SAMD3: variants seen among roughly 807,000 people sequenced by gnomAD.
SAMD3 encodes the protein sterile alpha motif domain-containing protein 3.
In SAMD3, 63 loss-of-function variants were observed where a neutral mutation model predicts 58.5. That is an observed-to-expected ratio of 1.08 (90% CI 0.88 to 1.33). The LOEUF (loss-of-function observed/expected upper bound fraction) is 1.33. Among genes scored for constraint, SAMD3 ranks in the 40% most tolerant of loss-of-function variants. The pLI, the probability that SAMD3 is intolerant of heterozygous loss-of-function variation, is 0.00. For synonymous variants in SAMD3, 220 were observed against 210.3 expected, an observed-to-expected ratio of 1.05 and a Z score of -0.40; for missense variants, 604 against 608.4, an observed-to-expected ratio of 0.99 and a Z score of 0.08.
chr6:130,305,530 T>A (rs1009304602), intron 2 of SAMD3, among the ~76,000 whole-genome samples: 2 of 152,218 alleles, frequency 1.3e-5, no homozygotes, highest in Non-Finnish European at 1.5e-5. Context: ...AGAAAAATGA[T>A]AGCAATAAGG....
At chr6:130,201,710 T>A (rs1430264977) in intron 5 of SAMD3, among the ~76,000 whole-genome samples, 1 of 152,222 alleles carries the variant, frequency 6.6e-6, no homozygotes, top group Non-Finnish European at 1.5e-5. Context: ...AACAGAATCC[T>A]CCATGCTATT....
At chr6:130,279,108 G>A (rs12197317) in intron 2 of SAMD3, among the ~76,000 whole-genome samples, 49,479 of 151,934 alleles carry the variant, frequency 0.33, 8,282 homozygotes, top group East Asian at 0.48. Flanking sequence ...CATAAAATGA[G>A]CTTAATAATA....
intron 2 of SAMD3, among the ~76,000 whole-genome samples, chr6:130,305,897 A>G (rs914942030): frequency 2.0e-5 from 3 of 152,234 alleles, no homozygotes; most frequent in African/African-American, 7.2e-5. Flanking sequence ...AAATAAATTT[A>G]TTTCTCCTAT....
chr6:130,265,585 G>A (rs1436676052), intron 2 of SAMD3, among the ~76,000 whole-genome samples: 1 of 152,030 alleles, frequency 6.6e-6, no homozygotes, highest in Non-Finnish European at 1.5e-5. Context: ...AAGTGTACTG[G>A]AACCCTAAAA....
At chr6:130,171,583 T>C (rs1006924480) in intron 8 of SAMD3, among the ~76,000 whole-genome samples, 2 of 152,204 alleles carry the variant, frequency 1.3e-5, no homozygotes, top group African/African-American at 4.8e-5. Flanking sequence ...GAGACTGTTA[T>C]GATTTCCATT....
chr6:130,352,577 T>C (rs1334657613), intron 1 of SAMD3, among the ~76,000 whole-genome samples: 3 of 152,192 alleles, frequency 2.0e-5, no homozygotes, highest in Non-Finnish European at 4.4e-5. Flanking sequence ...ATAGGGCCAC[T>C]CAAGCTCATT....
At chr6:130,145,985 A>G (rs753549314) in intron 10 of SAMD3, 25 bp downstream of exon 10, 1 of 1,350,838 alleles carries the variant, frequency 7.4e-7, no homozygotes, top group South Asian at 2.3e-5. Context: ...AGATGAAATC[A>G]CACCACTCCA....
At chr6:130,154,712 AAAAAAAATATATATAT>A (rs1427400379) in intron 9 of SAMD3, 97 bp downstream of exon 9, 399 of 104,974 alleles carry the variant, frequency 3.8e-3, no homozygotes, top group Middle Eastern at 0.013. Context: ...AAAAAAAAAA[AAAAAAAATATATATAT>A]ATATATATAT....
intron 2 of SAMD3, among the ~76,000 whole-genome samples, chr6:130,250,517 C>T (rs190636144): frequency 1.8e-4 from 27 of 152,162 alleles, no homozygotes; most frequent in Admixed American, 1.6e-3. Context: ...CAACTATCAC[C>T]TCAATTTAAG....
At position 130,288,456 on chromosome 6, in the gene SAMD3, T is replaced by A. The variant is rs191621759; in HGVS notation, c.-188+24522A>T. 2.7e-3 allele frequency among the ~76,000 whole-genome samples: 373 copies of A among 137,734 alleles called. 5 individuals carry two copies. In the Middle Eastern group the frequency reaches 0.045, roughly 17 times the overall value. The allele number at this position is 137,734 out of a possible 152,430, so 90.4% of individuals were successfully genotyped here. On this transcript the variant is annotated intron_variant, in intron 2 of 13. Coordinates refer to the SAMD3 transcript ENST00000368134. ...TACTGATTTAAATGTTAATCACATC[T>A]GAAAAAAAATAGCTTCATAGCAACA...
chr6:130,256,125 G>A (rs996703659), intron 2 of SAMD3, among the ~76,000 whole-genome samples: 8 of 150,212 alleles, frequency 5.3e-5, no homozygotes, highest in Non-Finnish European at 1.0e-4. Flanking sequence ...GAAATCATGA[G>A]AACAAGCAAA....
intron 7 of SAMD3, among the ~76,000 whole-genome samples, chr6:130,180,508 ACAAG>A (rs1227617278): frequency 4.6e-5 from 7 of 151,804 alleles, no homozygotes; most frequent in East Asian, 3.9e-4. Context: ...AAACAAACAA[ACAAG>A]CAAACAAATA....
At chr6:130,286,921 A>C (rs554116601) in intron 2 of SAMD3, among the ~76,000 whole-genome samples, 4 of 152,150 alleles carry the variant, frequency 2.6e-5, no homozygotes, top group South Asian at 2.1e-4. Flanking sequence ...TGCTGCCCAG[A>C]CTGGTCTCAA....
At chr6:130,157,174 C>T (rs1789865940) in intron 8 of SAMD3, among the ~76,000 whole-genome samples, 1 of 151,696 alleles carries the variant, frequency 6.6e-6, no homozygotes, top group Non-Finnish European at 1.5e-5. Context: ...GTGTAAACGT[C>T]ATATACTGCA....
At chr6:130,328,031 C>A (rs931641381) in intron 1 of SAMD3, among the ~76,000 whole-genome samples, 1 of 152,206 alleles carries the variant, frequency 6.6e-6, no homozygotes, top group Admixed American at 6.5e-5. Context: ...ATGGTCCATT[C>A]TACCCCTACC....
intron 1 of SAMD3, among the ~76,000 whole-genome samples, chr6:130,220,254 C>T (rs56728153): frequency 0.074 from 11,312 of 152,224 alleles, 473 homozygotes; most frequent in South Asian, 0.14. Flanking sequence ...CCTGCCTCGG[C>T]CCCCCAGAGT....
chr6:130,161,744 C>A (rs1386548137), intron 8 of SAMD3: 1 of 152,238 alleles, frequency 6.6e-6, no homozygotes, highest in East Asian at 1.9e-4. Context: ...GGGGAAGTGA[C>A]TTTTCCAAGC....
chr6:130,263,138 A>T (rs913126023), intron 2 of SAMD3, among the ~76,000 whole-genome samples: 6 of 152,316 alleles, frequency 3.9e-5, no homozygotes, highest in Non-Finnish European at 8.8e-5. Flanking sequence ...TAAATGTAAA[A>T]TGGTATTTGG....
At position 130,146,923 on chromosome 6, in the gene SAMD3, G is replaced by A. The variant is rs565127759; in HGVS notation, c.1024-742C>T. Among the ~76,000 whole-genome samples, 91 of 152,170 alleles carry A rather than the reference G, an allele frequency of 6.0e-4. 2 individuals carry two copies. Among genetic ancestry groups the A allele is most frequent in the African/African-American group, 2.1e-3 (89 of 41,528 alleles). ...GGGGAGATCGAGACTGCAGTGAACC[G>A]AGACTGTGCCACTGCACTCCAGCCT... On this transcript the variant is annotated intron_variant, in intron 9 of 11. Transcript: ENST00000439090.
Sources: allele counts gnomAD v4.1 joint callset (sites outside exome capture counted in the v4.1 genomes callset), GRCh38; gene constraint gnomAD v4.1.1; transcripts MANE v1.5; gene names NCBI Gene and HGNC (gene_info 2026-07-23, HGNC 2026-07-21).